PCDHA10: variants seen among roughly 807,000 people sequenced by gnomAD.
PCDHA10 encodes the protein protocadherin alpha-10.
A neutral mutation model predicts 61.2 loss-of-function variants in PCDHA10; 45 were observed. The observed-to-expected ratio is 0.74, with a 90% confidence interval of 0.58 to 0.94. The LOEUF (loss-of-function observed/expected upper bound fraction) is 0.94. Among genes scored for constraint, PCDHA10 ranks in the 40% least tolerant of loss-of-function variants. The pLI, the probability that PCDHA10 is intolerant of heterozygous loss-of-function variation, is 0.00. For synonymous variants in PCDHA10, 602 were observed against 548.8 expected, an observed-to-expected ratio of 1.10 and a Z score of -1.35; for missense variants, 1,278 against 1,236.2, an observed-to-expected ratio of 1.03 and a Z score of -0.51.
chr5:140,938,797 G>A (rs76361474), intron 1 of PCDHA10, among the ~76,000 whole-genome samples: 2 of 151,926 alleles, frequency 1.3e-5, no homozygotes, highest in East Asian at 1.9e-4. Flanking sequence ...TGAAATAATC[G>A]GTACCACAAA....
At chr5:140,969,775 G>A (rs879968185) in intron 1 of PCDHA10, among the ~76,000 whole-genome samples, 9 of 152,174 alleles carry the variant, frequency 5.9e-5, no homozygotes, top group Admixed American at 5.9e-4. Flanking sequence ...GCCTCTAGGG[G>A]CTATCATAGT....
intron 3 of PCDHA10, among the ~76,000 whole-genome samples, chr5:141,006,902 A>T (rs1563704110): frequency 6.6e-6 from 1 of 152,218 alleles, no homozygotes; most frequent in Non-Finnish European, 1.5e-5. Context: ...AGATTTCTTC[A>T]GTTTGGGATG....
intron 3 of PCDHA10, among the ~76,000 whole-genome samples, chr5:140,993,826 C>T (rs1401311421): frequency 1.3e-5 from 2 of 152,134 alleles, no homozygotes; most frequent in African/African-American, 4.8e-5. Context: ...ATAGGCTATA[C>T]CATATAGCCT....
intron 1 of PCDHA10, among the ~76,000 whole-genome samples, chr5:140,915,401 A>G (rs536178543): frequency 1.3e-5 from 2 of 152,300 alleles, no homozygotes; most frequent in African/African-American, 4.8e-5. Flanking sequence ...TATTTCTTAT[A>G]GTCTTTGCAG....
intron 1 of PCDHA10, among the ~76,000 whole-genome samples, chr5:140,902,906 G>T (rs1047423029): frequency 9.2e-5 from 14 of 152,162 alleles, no homozygotes; most frequent in Admixed American, 3.3e-4. Context: ...TTAGTTTATG[G>T]CTGAGTAGTA....
intron 1 of PCDHA10, among the ~76,000 whole-genome samples, chr5:140,924,902 AAAAT>A (rs1239542905): frequency 0.13 from 4,984 of 38,732 alleles, 244 homozygotes; most frequent in African/African-American, 0.34. Flanking sequence ...CTCAAAAAAA[AAAAT>A]AAAATAAAAT....
chr5:140,966,971 C>T lies in PCDHA10; in HGVS notation c.2389-11978C>T, dbSNP rs375161984. On this transcript the variant is annotated intron_variant, in intron 1 of 3. Coordinates refer to ENST00000307360, the MANE Select transcript of PCDHA10 (RefSeq NM_018901.4). ...CGTGGCTCGCGCGCTGGGGCTTGAG[C>T]TGCGGCGCTTGGGGCCGGGTTGCTT... 13 of 1,602,690 alleles carry T rather than the reference C, an allele frequency of 8.1e-6. No homozygotes were observed. The African/African-American group carries it at 1.7e-4, about 21-fold the overall frequency.
chr5:140,967,218 C>T, intron 1 of PCDHA10: 3 of 1,613,744 alleles, frequency 1.9e-6, no homozygotes, highest in South Asian at 1.1e-5. Flanking sequence ...TTCCCGCGGC[C>T]CAACTACCAG....
chr5:140,924,714 G>C (rs2081964744), intron 1 of PCDHA10, among the ~76,000 whole-genome samples: 1 of 151,860 alleles, frequency 6.6e-6, no homozygotes, highest in African/African-American at 2.4e-5. Context: ...GTGCAACATG[G>C]CGAAACCTCA....
chr5:140,947,760 A>C (rs1332466215), intron 1 of PCDHA10, among the ~76,000 whole-genome samples: 1 of 151,618 alleles, frequency 6.6e-6, no homozygotes, highest in Non-Finnish European at 1.5e-5. Context: ...TTATGGTTTA[A>C]AAAATTCTAT....
chr5:140,865,412 A>C (rs1347341740), intron 1 of PCDHA10: 2 of 152,242 alleles, frequency 1.3e-5, no homozygotes, highest in Non-Finnish European at 2.9e-5. Context: ...AAAAGGAATT[A>C]GTAGTGTCTA....
At chr5:140,962,406 T>C (rs1272839882) in intron 1 of PCDHA10, among the ~76,000 whole-genome samples, 1 of 152,218 alleles carries the variant, frequency 6.6e-6, no homozygotes, top group African/African-American at 2.4e-5. Context: ...GCCCCAAACC[T>C]GTCTCTCCCT....
intron 1 of PCDHA10, chr5:140,871,192 G>A (rs1582019516): frequency 6.2e-7 from 1 of 1,613,668 alleles, no homozygotes; most frequent in South Asian, 1.1e-5. Context: ...GGATGTCAAC[G>A]TGTACCTGAT....
chr5:140,988,423 T>G (rs2097297373), intron 3 of PCDHA10, among the ~76,000 whole-genome samples: 2 of 152,176 alleles, frequency 1.3e-5, no homozygotes. Context: ...GTAAAGAATT[T>G]GTTTGTTTTG....
chr5:140,981,779 A>G (rs1231046614), intron 2 of PCDHA10, among the ~76,000 whole-genome samples: 2 of 151,974 alleles, frequency 1.3e-5, no homozygotes, highest in Non-Finnish European at 2.9e-5. Flanking sequence ...ATACTGCACC[A>G]TGTTCTCTTT....
At chr5:140,980,515 A>G (rs779201653) in intron 2 of PCDHA10, among the ~76,000 whole-genome samples, 18 of 152,182 alleles carry the variant, frequency 1.2e-4, no homozygotes, top group Non-Finnish European at 2.5e-4. Flanking sequence ...CTGTAGTTCC[A>G]GCTACTAGGG....
Position 140,871,133 on chromosome 5 carries a change from C to A in PCDHA10, c.2388+12697C>A, listed in dbSNP as rs1156390839. On this transcript the variant is annotated intron_variant, in intron 1 of 3. Transcript: ENST00000307360. ...GTGGAGAGCGGACAGGCGCCAAAGG[C>A]CTCTTCCCGGACTTTGGCGGGCGCC... 29 of 1,613,274 alleles carry A rather than the reference C, an allele frequency of 1.8e-5. No homozygotes were observed. Among genetic ancestry groups the A allele is most frequent in the Non-Finnish European group, 2.5e-5 (29 of 1,179,916 alleles).
intron 3 of PCDHA10, among the ~76,000 whole-genome samples, chr5:140,998,381 G>A (rs932010146): frequency 4.6e-5 from 7 of 152,144 alleles, no homozygotes; most frequent in Non-Finnish European, 2.9e-5. Flanking sequence ...TCTCTAGAAA[G>A]TTTAATGCCA....
intron 1 of PCDHA10, chr5:140,929,344 A>G: frequency 6.5e-7 from 1 of 1,531,050 alleles, no homozygotes; most frequent in South Asian, 1.3e-5. Flanking sequence ...ATTTTATGGA[A>G]TTTGATTCCT....
Sources: gnomAD v4.1 joint callset for allele counts (sites outside exome capture counted in the v4.1 genomes callset) on GRCh38, gnomAD v4.1.1 for gene constraint, MANE v1.5 for transcripts, NCBI Gene and HGNC (gene_info 2026-07-23, HGNC 2026-07-21) for gene names.